The following ANKRD45 variants were observed in gnomAD, a reference collection of about 807,000 sequenced individuals.
The protein encoded by ANKRD45 is ankyrin repeat domain 45, also known as ankyrin repeat domain-containing protein 45.
ANKRD45 carries 21 observed loss-of-function variants against 28.1 expected under a neutral mutation model. The observed-to-expected ratio is 0.75, with a 90% confidence interval of 0.53 to 1.08. The LOEUF (loss-of-function observed/expected upper bound fraction) is 1.08, where lower values mean the gene tolerates loss of function less well. Among genes scored for constraint, ANKRD45 ranks in the 50% least tolerant of loss-of-function variants. The pLI is 0.00. For missense variants in ANKRD45, 261 were observed against 308.7 expected (o/e 0.85, Z 1.16); for synonymous variants, 86 against 103.9 (o/e 0.83, Z 1.05).
chr1:173,690,055 G>GCC, the ANKRD45 span, among the ~76,000 whole-genome samples: 45 of 46,102 alleles, frequency 9.8e-4, no homozygotes, highest in East Asian at 5.7e-3. Context: ...GCCAATGCCT[G>GCC]CCCCCCGCCC....
chr1:173,693,392 A>G, the ANKRD45 span, among the ~76,000 whole-genome samples: 1 of 152,168 alleles, frequency 6.6e-6, no homozygotes, highest in African/African-American at 2.4e-5. Context: ...CTATCCATCT[A>G]TCTCCCTATT....
rs1667088836 is a variant in ANKRD45 at position 173,610,321 on chromosome 1, G to C, written c.731-106C>G. 3 of 1,045,848 alleles carry C rather than the reference G, an allele frequency of 2.9e-6. No homozygotes were observed. In the East Asian group the frequency reaches 7.3e-5, roughly 26 times the overall value. The allele number at this position is 1,045,848 out of a possible 1,614,324, so 64.8% of individuals were successfully genotyped here. On this transcript the variant is annotated intron_variant, in intron 5 of 5. Coordinates refer to ENST00000333279, the MANE Select transcript of ANKRD45 (RefSeq NM_198493.3). ...GAATGGAATAAATTAGATTGTCCCA[G>C]GCTGAACCAGCTACTAATTCAACCC...
At chr1:173,683,051 C>T in the ANKRD45 span, among the ~76,000 whole-genome samples, 1 of 151,718 alleles carries the variant, frequency 6.6e-6, no homozygotes, top group East Asian at 1.9e-4. Context: ...AACTTCCCTT[C>T]GGATTTGATC....
chr1:173,685,630 T>A, the ANKRD45 span, among the ~76,000 whole-genome samples: 1 of 152,210 alleles, frequency 6.6e-6, no homozygotes, highest in Non-Finnish European at 1.5e-5. Flanking sequence ...CTAACTCCTA[T>A]GATAGCTATA....
chr1:173,691,116 G>A, the ANKRD45 span, among the ~76,000 whole-genome samples: 5 of 152,158 alleles, frequency 3.3e-5, no homozygotes, highest in African/African-American at 1.2e-4. Context: ...TTCTTACCTT[G>A]GTCCTGACCA....
At chr1:173,682,529 T>C in the ANKRD45 span, among the ~76,000 whole-genome samples, 3 of 152,054 alleles carry the variant, frequency 2.0e-5, no homozygotes, top group African/African-American at 7.2e-5. Flanking sequence ...TTTAGGTCTC[T>C]TATGCAGCAG....
chr1:173,627,217 A>G, intron 3 of ANKRD45, 58 bp from the exon 4 acceptor site: 2 of 1,183,170 alleles, frequency 1.7e-6, no homozygotes, highest in East Asian at 2.4e-5. Context: ...GCAAAGCAAG[A>G]TAGTCAAATG....
At chr1:173,614,704 T>C (rs1319038254) in intron 5 of ANKRD45, among the ~76,000 whole-genome samples, 1 of 152,216 alleles carries the variant, frequency 6.6e-6, no homozygotes, top group Non-Finnish European at 1.5e-5. Flanking sequence ...CTGAACAAGA[T>C]GACACTATCT....
intron 4 of ANKRD45, among the ~76,000 whole-genome samples, chr1:173,625,148 A>G (rs1667876072): frequency 2.6e-5 from 4 of 152,312 alleles, no homozygotes; most frequent in South Asian, 4.1e-4. Context: ...TTAATTTTAA[A>G]TAATTCAAAT....
chr1:173,640,555 CT>C, intron 3 of ANKRD45, among the ~76,000 whole-genome samples: 1 of 152,118 alleles, frequency 6.6e-6, no homozygotes. Context: ...ATATTGCTTC[CT>C]TTCCTTTCCT....
chr1:173,664,770 T>C (rs1669937125), intron 1 of ANKRD45, among the ~76,000 whole-genome samples: 1 of 152,236 alleles, frequency 6.6e-6, no homozygotes, highest in Non-Finnish European at 1.5e-5. Context: ...TTACATTTCT[T>C]TGTGTTACTT....
At chr1:173,624,754 T>A in intron 5 of ANKRD45, 33 bp downstream of exon 5, 1 of 1,594,330 alleles carries the variant, frequency 6.3e-7, no homozygotes. Flanking sequence ...TCATCCCTTC[T>A]GACATTCAAA....
intron 1 of ANKRD45, among the ~76,000 whole-genome samples, chr1:173,665,958 G>A (rs1669999368): frequency 6.6e-6 from 1 of 152,092 alleles, no homozygotes; most frequent in South Asian, 2.1e-4. Context: ...AGGTTGCAGT[G>A]AGCTATGATC....
chr1:173,690,753 C>T, the ANKRD45 span, among the ~76,000 whole-genome samples: 3,981 of 152,268 alleles, frequency 0.026, 189 homozygotes, highest in African/African-American at 0.091. Flanking sequence ...GGAATATCTT[C>T]GTTACCATCT....
intron 3 of ANKRD45, among the ~76,000 whole-genome samples, chr1:173,644,067 TG>T (rs1006098353): frequency 6.6e-6 from 1 of 152,176 alleles, no homozygotes; most frequent in African/African-American, 2.4e-5. Context: ...GGTGAACTGT[TG>T]AAGACTTTAA....
chr1:173,709,006 T>C, the ANKRD45 span, among the ~76,000 whole-genome samples: 1 of 152,218 alleles, frequency 6.6e-6, no homozygotes, highest in Non-Finnish European at 1.5e-5. Flanking sequence ...ATATTCTTCC[T>C]GCTCTGTTCC....
the ANKRD45 span, among the ~76,000 whole-genome samples, chr1:173,696,672 T>C: frequency 1.3e-5 from 2 of 152,210 alleles, no homozygotes; most frequent in African/African-American, 2.4e-5. Flanking sequence ...TCGGTTACTG[T>C]AGCCTTGTAG....
chr1:173,641,134 G>A (rs1360354833), intron 3 of ANKRD45, among the ~76,000 whole-genome samples: 1 of 152,226 alleles, frequency 6.6e-6, no homozygotes, highest in Admixed American at 6.5e-5. Flanking sequence ...GGTGTCTATT[G>A]TGAAAGTGAA....
chr1:173,713,482 G>A, the ANKRD45 span, among the ~76,000 whole-genome samples: 1 of 152,164 alleles, frequency 6.6e-6, no homozygotes, highest in Non-Finnish European at 1.5e-5. Context: ...GGGGATAGAT[G>A]AGCCTGAATT....
Sources: allele counts gnomAD v4.1 joint callset (sites outside exome capture counted in the v4.1 genomes callset), GRCh38; gene constraint gnomAD v4.1.1; transcripts MANE v1.5; gene names NCBI Gene and HGNC (gene_info 2026-07-23, HGNC 2026-07-21).